Variants in POLE4 observed in about 807,000 individuals in gnomAD.
POLE4 encodes DNA polymerase epsilon subunit 4.
Under a neutral mutation model 15.6 loss-of-function variants are expected in POLE4, and 15 were observed. That is an observed-to-expected ratio of 0.96 (90% confidence interval 0.64 to 1.48). The LOEUF (loss-of-function observed/expected upper bound fraction) is 1.48, where lower values mean the gene tolerates loss of function less well. Among genes scored for constraint, POLE4 ranks in the 40% most tolerant of loss-of-function variants. The pLI, the probability that POLE4 is intolerant of heterozygous loss-of-function variation, is 0.00. For missense variants in POLE4, 205 were observed against 151.9 expected (o/e 1.35, Z -1.84); for synonymous variants, 83 against 63.2 (o/e 1.31, Z -1.49).
intron 1 of POLE4, 35 bp from the exon 2 acceptor site, chr2:74,959,306 A>T: frequency 7.0e-7 from 1 of 1,422,124 alleles, no homozygotes; most frequent in Non-Finnish European, 9.9e-7. Context: ...GTGTGTTAGA[A>T]CCCATTACTA....
At chr2:74,966,005 T>C (rs1671289565) in intron 3 of POLE4, among the ~76,000 whole-genome samples, 1 of 152,184 alleles carries the variant, frequency 6.6e-6, no homozygotes, top group Admixed American at 6.5e-5. Flanking sequence ...TTGAATTCTA[T>C]TGTCTTATTT....
chr2:74,958,922 G>A (rs1386417831), intron 1 of POLE4, 30 bp downstream of exon 1: 1 of 1,539,816 alleles, frequency 6.5e-7, no homozygotes, highest in Middle Eastern at 1.7e-4. Context: ...GCATGCGGGA[G>A]TGGGGGAGGT....
chr2:74,965,635 T>C (rs532307223), intron 3 of POLE4, among the ~76,000 whole-genome samples: 10 of 152,340 alleles, frequency 6.6e-5, no homozygotes, highest in Admixed American at 3.3e-4. Context: ...TTTCTACTTA[T>C]ATTTCTGGGT....
chr2:74,966,165 A>G (rs567561854), intron 3 of POLE4, among the ~76,000 whole-genome samples: 18 of 151,320 alleles, frequency 1.2e-4, no homozygotes, highest in African/African-American at 4.4e-4. Flanking sequence ...ATCAGTTACT[A>G]TGTAAGTCCT....
chr2:74,960,310 C>A, intron 3 of POLE4, 164 bp downstream of exon 3: 1 of 639,210 alleles, frequency 1.6e-6, no homozygotes. Context: ...TAGTGAGGTT[C>A]AGTTTTCTCC....
At chr2:74,964,963 A>G (rs1285363488) in intron 3 of POLE4, among the ~76,000 whole-genome samples, 1 of 152,090 alleles carries the variant, frequency 6.6e-6, no homozygotes, top group Non-Finnish European at 1.5e-5. Context: ...TGCTTACTGT[A>G]GATTTTATGT....
At chr2:74,959,898 T>C (rs2103672487) in intron 2 of POLE4, 2 of 565,480 alleles carry the variant, frequency 3.5e-6, no homozygotes, top group Non-Finnish European at 6.3e-6. Flanking sequence ...TATTTGCCTA[T>C]GCTTTTCTTA....
At chr2:74,962,003 A>T (rs912697397) in intron 3 of POLE4, among the ~76,000 whole-genome samples, 1 of 152,042 alleles carries the variant, frequency 6.6e-6, no homozygotes, top group African/African-American at 2.4e-5. Context: ...CCGTCCACCC[A>T]CTGTTTTGTT....
chr2:74,967,361 A>G (rs982611152), intron 3 of POLE4, among the ~76,000 whole-genome samples: 1 of 144,874 alleles, frequency 6.9e-6, no homozygotes, highest in Non-Finnish European at 1.5e-5. Context: ...ATTTTTCAGT[A>G]CTGTGAGTTC....
chr2:74,959,848 A>C (rs1671190292), intron 2 of POLE4: 1 of 496,368 alleles, frequency 2.0e-6, no homozygotes, highest in African/African-American at 1.9e-5. Context: ...TAAATAATTT[A>C]GGGGTAATTT....
chr2:74,969,996 T>G lies in POLE4; in HGVS notation c.*574T>G, dbSNP rs191986720. Reference sequence around the variant, plus strand: ...TTTTTAAGTTTTATTTATTGACATATCCACATACTCTATATTTCACCAATT... The same window carrying G: ...TTTTTAAGTTTTATTTATTGACATAGCCACATACTCTATATTTCACCAATT... On this transcript the variant is annotated 3_prime_UTR_variant, in exon 4 of 4. Coordinates refer to ENST00000483063, the MANE Select transcript of POLE4 (RefSeq NM_019896.4). The G allele has an allele frequency of 1.3e-5, 2 of 153,056 alleles. No individual in the cohort carries two copies. Among genetic ancestry groups the G allele is most frequent in the Non-Finnish European group, 2.9e-5 (2 of 68,546 alleles). The allele number at this position is 153,056 out of a possible 1,614,324, so 9.5% of individuals were successfully genotyped here. A position where few individuals can be genotyped will look rare whatever the true frequency, so the allele number is the denominator to read the frequency against.
chr2:74,969,113 C>A (rs1671332584), intron 3 of POLE4, among the ~76,000 whole-genome samples: 1 of 152,076 alleles, frequency 6.6e-6, no homozygotes, highest in South Asian at 2.1e-4. Context: ...ATTTTATATT[C>A]TTTTCTTATA....
At chr2:74,964,727 A>G (rs557715142) in intron 3 of POLE4, among the ~76,000 whole-genome samples, 2 of 152,214 alleles carry the variant, frequency 1.3e-5, no homozygotes, top group East Asian at 3.9e-4. Context: ...GTTCTTAATA[A>G]TTTGAATGAC....
At chr2:74,960,228 C>A in intron 3 of POLE4, 82 bp downstream of exon 3, 2 of 1,157,848 alleles carry the variant, frequency 1.7e-6, no homozygotes, top group Non-Finnish European at 2.6e-6. Context: ...AAAACGGATG[C>A]CTGCTTCTTG....
At chr2:74,959,023 C>A (rs933341405) in intron 1 of POLE4, 131 bp downstream of exon 1, 1 of 819,552 alleles carries the variant, frequency 1.2e-6, no homozygotes, top group African/African-American at 1.7e-5. Context: ...ACCCGGAAGG[C>A]GGAGGAAAGG....
chr2:74,959,268 C>T (rs1181784825), intron 1 of POLE4, 73 bp from the exon 2 acceptor site: 2 of 932,932 alleles, frequency 2.1e-6, no homozygotes, highest in African/African-American at 3.3e-5. Context: ...TCTGCCCCCA[C>T]CCACAAACCG....
chr2:74,959,307 C>A, intron 1 of POLE4, 34 bp from the exon 2 acceptor site: 2 of 1,431,994 alleles, frequency 1.4e-6, no homozygotes, highest in Admixed American at 3.4e-5. Context: ...TGTGTTAGAA[C>A]CCATTACTAA....
intron 3 of POLE4, among the ~76,000 whole-genome samples, chr2:74,967,014 A>G (rs1385586769): frequency 6.6e-6 from 1 of 151,084 alleles, no homozygotes; most frequent in Non-Finnish European, 1.5e-5. Context: ...TGCTTTTAAG[A>G]TTTTCACTTT....
intron 3 of POLE4, among the ~76,000 whole-genome samples, chr2:74,961,853 AT>A (rs1671225347): frequency 6.6e-6 from 1 of 152,060 alleles, no homozygotes; most frequent in African/African-American, 2.4e-5. Flanking sequence ...GCATTATATT[AT>A]TTTTTACTGG....
Sources: gnomAD v4.1 joint callset for allele counts (sites outside exome capture counted in the v4.1 genomes callset) on GRCh38, gnomAD v4.1.1 for gene constraint, MANE v1.5 for transcripts, NCBI Gene and HGNC (gene_info 2026-07-23, HGNC 2026-07-21) for gene names.